Variants in ACOXL observed in about 807,000 individuals in gnomAD.
ACOXL encodes acyl-CoA oxidase like.
In ACOXL, 70 loss-of-function variants were observed where a neutral mutation model predicts 71.9. That is an observed-to-expected ratio of 0.97 (90% CI 0.80 to 1.19). The LOEUF is 1.19. Ranked by LOEUF, ACOXL falls within the 50% of genes most tolerant of loss-of-function variation. The probability of loss-of-function intolerance (pLI) is 0.00; values close to 1 mark genes in which losing one functional copy is unlikely to be tolerated. For synonymous variants in ACOXL, 253 were observed against 281.6 expected (o/e 0.90, Z 1.02); for missense variants, 703 against 736.3 (o/e 0.95, Z 0.52).
intron 12 of ACOXL, among the ~76,000 whole-genome samples, chr2:110,952,552 C>T (rs1055187201): frequency 6.6e-6 from 1 of 152,124 alleles, no homozygotes; most frequent in Non-Finnish European, 1.5e-5. Flanking sequence ...TCAAGAGATC[C>T]TCCCTCAGCC....
intron 10 of ACOXL, among the ~76,000 whole-genome samples, chr2:110,844,981 G>T (rs538286253): frequency 3.3e-5 from 5 of 152,332 alleles, no homozygotes; most frequent in Admixed American, 6.5e-5. Flanking sequence ...GTTTGGATTG[G>T]CTGAAACTTC....
intron 16 of ACOXL, among the ~76,000 whole-genome samples, chr2:111,069,131 T>C (rs1455609531): frequency 6.6e-6 from 1 of 151,088 alleles, no homozygotes; most frequent in Non-Finnish European, 1.5e-5. Flanking sequence ...TTGATGTGTC[T>C]CCCTCTTCTT....
In ACOXL at chr2:110,898,914, CA is replaced by C. The variant is rs1396455487; in HGVS notation, c.789-9870del. ...GTCATAGGGTGCAAAAATAAACATG[CA>C]AAAATCAATTATATTTGTATATACC... On this transcript the variant is annotated intron_variant, in intron 10 of 17. Transcript: ENST00000439055. Among the ~76,000 whole-genome samples, 4 of 151,930 alleles carry C rather than the reference CA, an allele frequency of 2.6e-5. No homozygotes were observed. In the East Asian group the frequency reaches 7.7e-4, roughly 29 times the overall value.
At chr2:111,065,851 CTAA>C (rs1332826151) in intron 16 of ACOXL, among the ~76,000 whole-genome samples, 1 of 152,072 alleles carries the variant, frequency 6.6e-6, no homozygotes, top group Non-Finnish European at 1.5e-5. Context: ...ATCAGAATGG[CTAA>C]AATAAACAAC....
intron 12 of ACOXL, among the ~76,000 whole-genome samples, chr2:110,982,333 G>T (rs554351933): frequency 1.3e-5 from 2 of 152,014 alleles, no homozygotes; most frequent in African/African-American, 4.8e-5. Flanking sequence ...TAGTCCTTCC[G>T]CTTCCCTTTG....
intron 10 of ACOXL, among the ~76,000 whole-genome samples, chr2:110,891,982 A>G (rs1697980313): frequency 6.6e-6 from 1 of 152,152 alleles, no homozygotes; most frequent in African/African-American, 2.4e-5. Flanking sequence ...GATAATTTCT[A>G]GTATCCAAAG....
intron 14 of ACOXL, among the ~76,000 whole-genome samples, chr2:111,003,364 A>G (rs1171019866): frequency 2.0e-5 from 3 of 151,848 alleles, no homozygotes; most frequent in Admixed American, 1.3e-4. Context: ...CCTGGCCAAC[A>G]TGGTGAAACC....
intron 12 of ACOXL, among the ~76,000 whole-genome samples, chr2:110,945,922 G>A (rs1036738427): frequency 6.6e-6 from 1 of 151,980 alleles, no homozygotes; most frequent in Non-Finnish European, 1.5e-5. Flanking sequence ...CGTTGAATCT[G>A]TAAATTGCTT....
At chr2:110,752,898 G>A (rs1038893832) in intron 1 of ACOXL, among the ~76,000 whole-genome samples, 1 of 152,234 alleles carries the variant, frequency 6.6e-6, no homozygotes, top group East Asian at 1.9e-4. Flanking sequence ...CCATAAGGTT[G>A]CATTTAGGAT....
chr2:110,943,244 AAG>A (rs1418578137), intron 12 of ACOXL, among the ~76,000 whole-genome samples: 1 of 149,922 alleles, frequency 6.7e-6, no homozygotes, highest in Non-Finnish European at 1.5e-5. Flanking sequence ...AAGAAAGAGA[AAG>A]AAAAAGAAAA....
intron 12 of ACOXL, among the ~76,000 whole-genome samples, chr2:110,964,466 G>C (rs751124877): frequency 6.6e-6 from 1 of 152,158 alleles, no homozygotes; most frequent in Non-Finnish European, 1.5e-5. Context: ...AAAACATACA[G>C]TTATGCATTG....
intron 9 of ACOXL, among the ~76,000 whole-genome samples, chr2:110,833,083 T>G (rs182220106): frequency 3.9e-5 from 6 of 152,310 alleles, no homozygotes; most frequent in Admixed American, 1.3e-4. Context: ...CCCAGAGAAA[T>G]GAAACATATT....
intron 2 of ACOXL, among the ~76,000 whole-genome samples, chr2:110,772,063 T>A (rs1573442125): frequency 6.6e-6 from 1 of 152,228 alleles, no homozygotes; most frequent in East Asian, 1.9e-4. Flanking sequence ...CTAAGAACTT[T>A]AAATAGATGA....
intron 1 of ACOXL, among the ~76,000 whole-genome samples, chr2:110,747,153 TG>T (rs1678336014): frequency 2.6e-5 from 4 of 151,412 alleles, no homozygotes; most frequent in African/African-American, 9.8e-5. Context: ...TTGTTGAAAC[TG>T]TGCTGGGTCT....
At chr2:110,976,688 C>A (rs2062459866) in intron 12 of ACOXL, among the ~76,000 whole-genome samples, 3 of 151,982 alleles carry the variant, frequency 2.0e-5, no homozygotes, top group Non-Finnish European at 4.4e-5. Flanking sequence ...AACAATTAGT[C>A]CAAATTTGAA....
intron 12 of ACOXL, among the ~76,000 whole-genome samples, chr2:110,963,332 A>C (rs189653890): frequency 6.6e-6 from 1 of 151,708 alleles, no homozygotes; most frequent in Non-Finnish European, 1.5e-5. Context: ...AAAAAAAATC[A>C]GTCCACTTTA....
At chr2:110,860,041 T>G (rs963217145) in intron 10 of ACOXL, among the ~76,000 whole-genome samples, 4 of 152,226 alleles carry the variant, frequency 2.6e-5, no homozygotes, top group Admixed American at 2.0e-4. Flanking sequence ...CAGCACTGGT[T>G]TCACATTTTG....
chr2:111,085,211 A>G (rs2068146806), intron 16 of ACOXL, among the ~76,000 whole-genome samples: 3 of 151,938 alleles, frequency 2.0e-5, no homozygotes, highest in Non-Finnish European at 2.9e-5. Flanking sequence ...GCTGAACTCA[A>G]CACTGGATCA....
At chr2:111,020,568 CGT>C (rs921089988) in intron 14 of ACOXL, among the ~76,000 whole-genome samples, 1 of 151,964 alleles carries the variant, frequency 6.6e-6, no homozygotes, top group African/African-American at 2.4e-5. Flanking sequence ...AGCGGGAAGC[CGT>C]GTGTGTGTGC....
Sources: allele counts gnomAD v4.1 joint callset (sites outside exome capture counted in the v4.1 genomes callset), GRCh38; gene constraint gnomAD v4.1.1; transcripts MANE v1.5; gene names NCBI Gene and HGNC (gene_info 2026-07-23, HGNC 2026-07-21).